Variants in GPC5 observed in about 807,000 individuals in gnomAD.
GPC5 encodes the protein glypican 5.
A neutral mutation model predicts 53.9 loss-of-function variants in GPC5; 47 were observed. That is an observed-to-expected ratio of 0.87 (90% CI 0.69 to 1.11). The LOEUF is 1.11. Ranked by LOEUF, GPC5 falls within the 50% of genes most tolerant of loss-of-function variation. The pLI is 0.00. For synonymous variants in GPC5, 286 were observed against 263.3 expected, an observed-to-expected ratio of 1.09 and a Z score of -0.84; for missense variants, 748 against 713.1, an observed-to-expected ratio of 1.05 and a Z score of -0.56.
At chr13:92,266,515 T>G (rs1230014631) in intron 7 of GPC5, among the ~76,000 whole-genome samples, 1 of 152,130 alleles carries the variant, frequency 6.6e-6, no homozygotes, top group Non-Finnish European at 1.5e-5. Flanking sequence ...CATCGGAGAA[T>G]TCACTGCTGA....
chr13:91,981,715 TTAAAA>T (rs922153040), intron 6 of GPC5, among the ~76,000 whole-genome samples: 139 of 152,312 alleles, frequency 9.1e-4, no homozygotes, highest in African/African-American at 3.2e-3. Context: ...GACAAATTGA[TTAAAA>T]TAAGGTGTTA....
chr13:92,640,254 A>G (rs1885547840), intron 7 of GPC5, among the ~76,000 whole-genome samples: 1 of 151,672 alleles, frequency 6.6e-6, no homozygotes, highest in Non-Finnish European at 1.5e-5. Context: ...TTGTGCCCAG[A>G]TGTTGTTTTG....
chr13:92,586,962 ACG>A (rs142323668), intron 7 of GPC5, among the ~76,000 whole-genome samples: 1 of 100,676 alleles, frequency 9.9e-6, no homozygotes, highest in Non-Finnish European at 2.3e-5. Context: ...ACACACACAC[ACG>A]CGCACACACA....
At chr13:92,748,197 T>A (rs1009022995) in intron 7 of GPC5, among the ~76,000 whole-genome samples, 7 of 151,964 alleles carry the variant, frequency 4.6e-5, no homozygotes, top group Non-Finnish European at 5.9e-5. Flanking sequence ...TCATGGAGTA[T>A]GAACTCAGTA....
intron 6 of GPC5, among the ~76,000 whole-genome samples, chr13:91,981,984 T>C (rs150627315): frequency 6.6e-6 from 1 of 152,262 alleles, no homozygotes; most frequent in African/African-American, 2.4e-5. Context: ...GCGATGAGAC[T>C]GGAAAGGGAG....
At chr13:91,718,522 A>G (rs2036395210) in intron 3 of GPC5, among the ~76,000 whole-genome samples, 3 of 152,130 alleles carry the variant, frequency 2.0e-5, no homozygotes, top group Non-Finnish European at 4.4e-5. Flanking sequence ...CTTGATGAAG[A>G]AGAGTTTTGT....
At chr13:92,645,577 C>A (rs1271905078) in intron 7 of GPC5, among the ~76,000 whole-genome samples, 1 of 152,100 alleles carries the variant, frequency 6.6e-6, no homozygotes, top group Non-Finnish European at 1.5e-5. Context: ...ACAATAAGTG[C>A]ATGTATGAAT....
At chr13:92,047,446 T>A (rs897282609) in intron 6 of GPC5, among the ~76,000 whole-genome samples, 12 of 150,380 alleles carry the variant, frequency 8.0e-5, no homozygotes, top group African/African-American at 2.7e-4. Context: ...ATATATATTT[T>A]TTTTTCCTTA....
At chr13:92,143,175 C>T (rs1416907854) in intron 6 of GPC5, among the ~76,000 whole-genome samples, 1 of 151,970 alleles carries the variant, frequency 6.6e-6, no homozygotes, top group Non-Finnish European at 1.5e-5. Flanking sequence ...CCCCATGTCT[C>T]GTGGTTGGTA....
At chr13:92,229,768 T>C (rs1340599626) in intron 7 of GPC5, among the ~76,000 whole-genome samples, 1 of 152,020 alleles carries the variant, frequency 6.6e-6, no homozygotes, top group Non-Finnish European at 1.5e-5. Flanking sequence ...TAATATATAA[T>C]AAAATATTAT....
chr13:91,699,896 C>A (rs1355568523), intron 3 of GPC5, among the ~76,000 whole-genome samples: 1 of 152,050 alleles, frequency 6.6e-6, no homozygotes, highest in Admixed American at 6.6e-5. Flanking sequence ...TGTGTAGTAA[C>A]AATTAATTGT....
chr13:92,613,493 A>T (rs9516101), intron 7 of GPC5, among the ~76,000 whole-genome samples: 20,848 of 80,678 alleles, frequency 0.26, 3,599 homozygotes, highest in East Asian at 0.59. Flanking sequence ...TAAATATGTA[A>T]TATATAATTT....
chr13:92,145,348 T>A (rs2041859577), intron 7 of GPC5, among the ~76,000 whole-genome samples: 1 of 152,116 alleles, frequency 6.6e-6, no homozygotes, highest in Admixed American at 6.5e-5. Context: ...AATTGTGCAA[T>A]TAAAAAATTA....
intron 6 of GPC5, among the ~76,000 whole-genome samples, chr13:92,037,880 C>A (rs1007583117): frequency 6.6e-6 from 1 of 152,064 alleles, no homozygotes; most frequent in African/African-American, 2.4e-5. Context: ...GTAACATGGG[C>A]AGATACTAGA....
chr13:92,264,854 G>GTC lies in GPC5; in HGVS notation c.1561+119889_1561+119890dup, dbSNP rs147820719. On this transcript the variant is annotated intron_variant, in intron 7 of 7. Coordinates refer to ENST00000377067, the MANE Select transcript of GPC5 (RefSeq NM_004466.6). Reference sequence around the variant, plus strand: ...TTTTTGTGTCTTGTATATGTTTAGGGTCTCTCTCTCTCTCTCTCTCTCTCT... The same window carrying GTC: ...TTTTTGTGTCTTGTATATGTTTAGGGTCTCTCTCTCTCTCTCTCTCTCTCTCT... Among the ~76,000 whole-genome samples the GTC allele has an allele frequency of 3.8e-3, 533 of 139,512 alleles. 5 individuals carry two copies. The highest frequency in any genetic ancestry group is 0.01 in the African/African-American group (378 of 36,096). 91.5% of individuals were successfully genotyped at this position (139,512 alleles called of 152,430 possible). A position where few individuals can be genotyped will look rare whatever the true frequency, so the allele number is the denominator to read the frequency against.
intron 2 of GPC5, among the ~76,000 whole-genome samples, chr13:91,564,624 G>A (rs1362734427): frequency 2.6e-5 from 4 of 152,098 alleles, no homozygotes; most frequent in South Asian, 4.1e-4. Flanking sequence ...AGAATAAATC[G>A]CCTGCAGACT....
At chr13:92,076,958 G>C (rs181342787) in intron 6 of GPC5, among the ~76,000 whole-genome samples, 1 of 152,160 alleles carries the variant, frequency 6.6e-6, no homozygotes, top group Non-Finnish European at 1.5e-5. Flanking sequence ...GACTTCAGAA[G>C]AACCTTGGTA....
intron 7 of GPC5, among the ~76,000 whole-genome samples, chr13:92,181,511 T>C (rs1037179954): frequency 1.3e-5 from 2 of 152,230 alleles, no homozygotes; most frequent in East Asian, 3.8e-4. Flanking sequence ...TTAAAAATCT[T>C]CAGATAGTAC....
intron 5 of GPC5, among the ~76,000 whole-genome samples, chr13:91,780,996 C>G (rs910522577): frequency 4.6e-5 from 7 of 152,038 alleles, no homozygotes; most frequent in Admixed American, 4.6e-4. Context: ...GGAAGAAAAG[C>G]GAAGGAAAAG....
Sources: gnomAD v4.1 joint callset for allele counts (sites outside exome capture counted in the v4.1 genomes callset) on GRCh38, gnomAD v4.1.1 for gene constraint, MANE v1.5 for transcripts, NCBI Gene and HGNC (gene_info 2026-07-23, HGNC 2026-07-21) for gene names.